HOXA2: variants seen among roughly 807,000 people sequenced by gnomAD.
The protein encoded by HOXA2 is homeobox A2, also known as homeobox protein Hox-A2.
In HOXA2, 4 loss-of-function variants were observed where a neutral mutation model predicts 27.2. The ratio of observed to expected loss-of-function variants is 0.15; its 90% confidence interval spans 0.07 to 0.34. The LOEUF (loss-of-function observed/expected upper bound fraction) is 0.34. Ranked by LOEUF, HOXA2 falls within the 10% of genes least tolerant of loss-of-function variation. The pLI is 1.00. For missense variants in HOXA2, 430 were observed against 473.2 expected (o/e 0.91, Z 0.85); for synonymous variants, 200 against 202.8 (o/e 0.99, Z 0.12).
chr7:27,101,520 C>A, intron 1 of HOXA2, 55 bp from the exon 2 acceptor site: 3 of 1,584,242 alleles, frequency 1.9e-6, no homozygotes, highest in Non-Finnish European at 2.6e-6. Context: ...TGGAGGGGTC[C>A]GAGCGGGGTT....
chr7:27,102,122 G>C lies in HOXA2; in HGVS notation c.379C>G (p.Leu127Val). The C allele has an allele frequency of 6.2e-7, 1 of 1,604,154 alleles. No homozygotes were observed. The highest frequency in any genetic ancestry group is 8.5e-7 in the Non-Finnish European group (1 of 1,176,108). Residue 127 changes from leucine to valine, a missense_variant, in exon 1 of 2, where the codon CTC (leucine) becomes GTC (valine). Leu to Val is a conservative substitution (Grantham distance 32). Around this residue, in one of 4 missense-constraint regions of HOXA2, gnomAD observed 166 missense variants for 207.6 expected, o/e 0.80. Transcript: ENST00000222718. The surrounding 1 kb of genome is among the most constrained non-coding windows in gnomAD (Gnocchi z 4.6). The stretch of plus-strand genomic sequence containing the variant: ...TCTTTGGACTGACCTTTGTGGCTGA[G>C]GCAAGCAGGGCCGGTGGCTGCGGCG... Reference protein sequence around the residue: ...ATAAATGPACLSHKESLEIAD... With the variant: ...ATAAATGPACVSHKESLEIAD...
rs1254320561 is a variant in HOXA2 at position 27,102,089 on chromosome 7, G to A, written c.391+21C>T. The A allele has an allele frequency of 2.5e-6, 4 of 1,606,664 alleles. No individual in the cohort carries two copies. Among genetic ancestry groups the A allele is most frequent in the Non-Finnish European group, 3.4e-6 (4 of 1,177,442 alleles). On this transcript the variant is annotated intron_variant, in intron 1 of 1. Coordinates refer to ENST00000222718, the MANE Select transcript of HOXA2 (RefSeq NM_006735.4). The surrounding 1 kb of genome is among the most constrained non-coding windows in gnomAD (Gnocchi z 4.6). ...GAAGGAAGAGGGTCCCAGAGACCTG[G>A]GGCCAAGTCTTTGGACTGACCTTTG...
Position 27,102,073 on chromosome 7 carries a change from G to A in HOXA2, c.391+37C>T. ...CTCGGGGCAGCCCGGAGAAGGAAGA[G>A]GGTCCCAGAGACCTGGGGCCAAGTC... On this transcript the variant is annotated intron_variant, in intron 1 of 1. Transcript: ENST00000222718. The surrounding 1 kb of genome is among the most constrained non-coding windows in gnomAD (Gnocchi z 4.6). The A allele has an allele frequency of 1.2e-6, 2 of 1,604,128 alleles. No individual in the cohort carries two copies. Among genetic ancestry groups the A allele is most frequent in the East Asian group, 2.2e-5 (1 of 44,692 alleles).
chr7:27,100,849 A>T lies in HOXA2; in HGVS notation c.1008T>A (p.Leu336=). 1.9e-6 allele frequency: 3 copies of T among 1,614,228 alleles called. No homozygotes were observed. In the African/African-American group the frequency reaches 4.0e-5, roughly 22 times the overall value. ...SVFSTDSCLQ[L]SDAVSPSLPG... ...GCAAACTGGGTGAAACTGCATCTGA[A>T]AGCTGCAGGCAGGAATCTGTGGAGA... Residue 336 remains leucine, a synonymous_variant, in exon 2 of 2, where the codon CTT becomes CTA. Coordinates refer to ENST00000222718, the MANE Select transcript of HOXA2 (RefSeq NM_006735.4).
rs752243932 is a variant in HOXA2 at position 27,102,136 on chromosome 7, G to A, written c.365C>T (p.Thr122Ile). 1.3e-6 allele frequency: 2 copies of A among 1,599,596 alleles called. No homozygotes were observed. The highest frequency in any genetic ancestry group is 1.7e-4 in the Middle Eastern group (1 of 6,044). Residue 122 changes from threonine (T) to isoleucine (I), a missense_variant, in exon 1 of 2, where the codon ACC (threonine) becomes ATC (isoleucine). Physicochemically the swap from Thr to Ile is moderately conservative, Grantham distance 89. Around this residue, in one of 4 missense-constraint regions of HOXA2, gnomAD observed 166 missense variants for 207.6 expected, o/e 0.80. Transcript: ENST00000222718. This position sits in a 1 kb window ranked among gnomAD's most constrained non-coding sequence, Gnocchi z 4.6. ...AAAAAATAAA[T>I]GPACLSHKES... ...TTTGTGGCTGAGGCAAGCAGGGCCGGTGGCTGCGGCGGTGGCGGCGGCGGC... is the reference window on the plus strand; with the variant it reads ...TTTGTGGCTGAGGCAAGCAGGGCCGATGGCTGCGGCGGTGGCGGCGGCGGC...
At chr7:27,101,852 C>A in intron 1 of HOXA2, 1 of 707,510 alleles carries the variant, frequency 1.4e-6, no homozygotes, top group Non-Finnish European at 2.6e-6. Context: ...TCAAATAAAT[C>A]ATCCCACATT....
intron 1 of HOXA2, 69 bp from the exon 2 acceptor site, chr7:27,101,534 C>T: frequency 1.3e-6 from 2 of 1,533,634 alleles, no homozygotes; most frequent in Non-Finnish European, 1.8e-6. Context: ...CGGGGTTATT[C>T]CACTGGAGAA....
At position 27,101,194 on chromosome 7, in the gene HOXA2, C is replaced by T. The variant is rs1166776688; in HGVS notation, c.663G>A (p.Glu221=). ...EGKCKSLEDS[E]KVEEDEEEKT... ...TCTCTTCCTCGTCCTCCTCTACTTT[C>T]TCGGAGTCCTCAAGGCTTTTACATT... The change falls in exon 2 of 2, where the codon GAG becomes GAA. Residue 221 remains glutamate, a synonymous_variant. Transcript: ENST00000222718. 1 of 1,614,078 alleles carries T rather than the reference C, an allele frequency of 6.2e-7. No individual in the cohort carries two copies. The highest frequency in any genetic ancestry group is 8.5e-7 in the Non-Finnish European group (1 of 1,180,044).
Position 27,101,426 on chromosome 7 carries a change from C to T in HOXA2, c.431G>A (p.Arg144Gln), listed in dbSNP as rs749965554. ...EIADGSGGGSRRLRTAYTNTQ... is the reference protein window; with the variant it reads ...EIADGSGGGSQRLRTAYTNTQ... Reference sequence around the variant, plus strand: ...GTTGGTGTAAGCAGTTCTCAGGCGCCGCGATCCCCCGCCGCTGCCATCGGC... The same window carrying T: ...GTTGGTGTAAGCAGTTCTCAGGCGCTGCGATCCCCCGCCGCTGCCATCGGC... Residue 144 changes from arginine (R) to glutamine (Q), a missense_variant, in exon 2 of 2, where the codon CGG becomes CAG. Arg to Gln is a conservative substitution (Grantham distance 43). This residue lies in a region of HOXA2 where 166 missense variants were observed against 207.6 expected (regional missense o/e 0.80). Transcript: ENST00000222718. 2 of 1,600,634 alleles carry T rather than the reference C, an allele frequency of 1.2e-6. No individual in the cohort carries two copies. The highest frequency in any genetic ancestry group is 2.2e-5 in the East Asian group (1 of 44,896).
In HOXA2 at chr7:27,100,903, C is replaced by G; in HGVS notation, c.954G>C (p.Glu318Asp). 1 of 1,614,212 alleles carries G rather than the reference C, an allele frequency of 6.2e-7. No homozygotes were observed. The highest frequency in any genetic ancestry group is 8.5e-7 in the Non-Finnish European group (1 of 1,180,040). Residue 318 changes from glutamate (E) to aspartate (D), a missense_variant, in exon 2 of 2, where the codon GAG (glutamate) becomes GAC (aspartate). Transcript: ENST00000222718. ...GLNNDSPEAL[E>D]VPSLQDFSVF... is the part of the protein sequence containing the mutation. ...CGCTAAAGTCCTGCAAAGAGGGGAC[C>G]TCAAGGGCCTCAGGACTGTCATTGT... is the stretch of plus-strand genomic sequence containing the variant.
At position 27,100,927 on chromosome 7, in the gene HOXA2, G is replaced by A. The variant is rs751701233; in HGVS notation, c.930C>T (p.Asn310=). 8 of 1,614,094 alleles carry A rather than the reference G, an allele frequency of 5.0e-6. No homozygotes were observed. The highest frequency in any genetic ancestry group is 2.7e-5 in the African/African-American group (2 of 74,928). ...TMGQNCGAGL[N]NDSPEALEVP... ...CCTCAAGGGCCTCAGGACTGTCATT[G>A]TTTAGGCCAGCTCCACAGTTCTGGC... Residue 310 remains asparagine (N), a synonymous_variant, in exon 2 of 2, where the codon AAC becomes AAT. Transcript: ENST00000222718.
rs1163427127 is a variant in HOXA2 at position 27,100,686 on chromosome 7, G to C, written c.*40C>G. On this transcript the variant is annotated 3_prime_UTR_variant, in exon 2 of 2. Coordinates refer to ENST00000222718, the MANE Select transcript of HOXA2 (RefSeq NM_006735.4). ...AGAAGGCAAAACCACCTGGTCAAAG[G>C]AGTTTTTGTTTGGTGATGCTTTGTT... is the stretch of plus-strand genomic sequence containing the variant. The C allele has an allele frequency of 2.5e-6, 4 of 1,611,850 alleles. No homozygotes were observed. The African/African-American group carries it at 5.3e-5, about 22-fold the overall frequency.
Position 27,100,516 on chromosome 7 carries a change from T to A in HOXA2, c.*210A>T, listed in dbSNP as rs886062264. Reference sequence around the variant, plus strand: ...ACATAAAGGGTTGTTGAGTTAGGTTTAAAACAACTAAAACTCCAAAATAAT... The same window carrying A: ...ACATAAAGGGTTGTTGAGTTAGGTTAAAAACAACTAAAACTCCAAAATAAT... On this transcript the variant is annotated 3_prime_UTR_variant, in exon 2 of 2. Coordinates refer to ENST00000222718, the MANE Select transcript of HOXA2 (RefSeq NM_006735.4). The A allele has an allele frequency of 5.0e-6, 3 of 601,798 alleles. No individual in the cohort carries two copies. The highest frequency in any genetic ancestry group is 9.0e-4 in the Middle Eastern group (2 of 2,230). 37.3% of individuals were successfully genotyped at this position (601,798 alleles called of 1,614,324 possible).
At position 27,102,320 on chromosome 7, in the gene HOXA2, G is replaced by C; in HGVS notation, c.181C>G (p.Pro61Ala). The C allele has an allele frequency of 6.2e-7, 1 of 1,611,908 alleles. No individual in the cohort carries two copies. The highest frequency in any genetic ancestry group is 2.2e-5 in the East Asian group (1 of 44,722). ...PFEQTIPSLN[P>A]GSHPRHGAGG... Reference sequence around the variant, plus strand: ...GCGCCGTGGCGAGGGTGACTGCCGGGGTTCAGGCTGGGAATGGTCTGCTCA... The same window carrying C: ...GCGCCGTGGCGAGGGTGACTGCCGGCGTTCAGGCTGGGAATGGTCTGCTCA... The change falls in exon 1 of 2, where the codon CCC becomes GCC. Residue 61 changes from proline to alanine, a missense_variant. Coordinates refer to ENST00000222718, the MANE Select transcript of HOXA2 (RefSeq NM_006735.4). This position sits in a 1 kb window ranked among gnomAD's most constrained non-coding sequence, Gnocchi z 4.6.
In HOXA2 at chr7:27,102,121, A is replaced by T; in HGVS notation, c.380T>A (p.Leu127His). The T allele has an allele frequency of 6.2e-7, 1 of 1,604,696 alleles. No homozygotes were observed. The highest frequency in any genetic ancestry group is 1.7e-5 in the Admixed American group (1 of 59,052). ...ATAAATGPAC[L>H]SHKESLEIAD... ...GTCTTTGGACTGACCTTTGTGGCTGAGGCAAGCAGGGCCGGTGGCTGCGGC... is the reference window on the plus strand; with the variant it reads ...GTCTTTGGACTGACCTTTGTGGCTGTGGCAAGCAGGGCCGGTGGCTGCGGC... The change falls in exon 1 of 2, where the codon CTC becomes CAC. Residue 127 changes from leucine to histidine, a missense_variant. By Grantham distance (99) the Leu-to-His change is moderately conservative. Transcript: ENST00000222718. This position sits in a 1 kb window ranked among gnomAD's most constrained non-coding sequence, Gnocchi z 4.6.
intron 1 of HOXA2, 68 bp from the exon 2 acceptor site, chr7:27,101,533 T>G: frequency 6.5e-7 from 1 of 1,536,778 alleles, no homozygotes. Context: ...GCGGGGTTAT[T>G]CCACTGGAGA....
chr7:27,101,519 C>T, intron 1 of HOXA2, 54 bp from the exon 2 acceptor site: 1 of 1,586,726 alleles, frequency 6.3e-7, no homozygotes, highest in Non-Finnish European at 8.5e-7. Flanking sequence ...GTGGAGGGGT[C>T]CGAGCGGGGT....
chr7:27,101,592 T>G, intron 1 of HOXA2, 127 bp from the exon 2 acceptor site: 1 of 1,076,640 alleles, frequency 9.3e-7, no homozygotes, highest in Admixed American at 2.0e-5. Context: ...CGCCCCTGGA[T>G]GCAGTAGAGC....
chr7:27,102,428 A>T lies in HOXA2; in HGVS notation c.73T>A (p.Phe25Ile). Residue 25 changes from phenylalanine (F) to isoleucine (I), a missense_variant, in exon 1 of 2, where the codon TTT (phenylalanine) becomes ATT (isoleucine). Physicochemically the swap from Phe to Ile is conservative, Grantham distance 21. Coordinates refer to ENST00000222718, the MANE Select transcript of HOXA2 (RefSeq NM_006735.4). The surrounding 1 kb of genome is among the most constrained non-coding windows in gnomAD (Gnocchi z 4.6). Reference sequence around the variant, plus strand: ...TGAAATGTATCAGCGACAGGGGGAAAAGATGTCAGGCACTCAGCGAGCGAC... The same window carrying T: ...TGAAATGTATCAGCGACAGGGGGAATAGATGTCAGGCACTCAGCGAGCGAC... ...QPSLAECLTS[F>I]PPVADTFQSS... 2 of 1,614,128 alleles carry T rather than the reference A, an allele frequency of 1.2e-6. No homozygotes were observed. Among genetic ancestry groups the T allele is most frequent in the South Asian group, 2.2e-5 (2 of 91,082 alleles).
Sources: allele counts gnomAD v4.1 joint callset, GRCh38; gene constraint gnomAD v4.1.1; regional missense constraint gnomAD v4.1.1; non-coding constraint Gnocchi (gnomAD v3.1); transcripts MANE v1.5; gene names NCBI Gene and HGNC (gene_info 2026-07-23, HGNC 2026-07-21).